RHOA: variants seen among roughly 807,000 people sequenced by gnomAD.
RHOA encodes transforming protein RhoA.
In RHOA, 3 loss-of-function variants were observed where a neutral mutation model predicts 17.5. That is an observed-to-expected ratio of 0.17 (90% confidence interval 0.08 to 0.44). The LOEUF (loss-of-function observed/expected upper bound fraction) is 0.44, where lower values mean the gene tolerates loss of function less well. Among genes scored for constraint, RHOA ranks in the 20% least tolerant of loss-of-function variants. The pLI, the probability that RHOA is intolerant of heterozygous loss-of-function variation, is 0.99. For missense variants in RHOA, 56 were observed against 242.3 expected, an observed-to-expected ratio of 0.23 and a Z score of 5.10; for synonymous variants, 98 against 88.4, an observed-to-expected ratio of 1.11 and a Z score of -0.61.
chr3:49,388,131 C>T (rs1012331150), intron 1 of RHOA, among the ~76,000 whole-genome samples: 4 of 151,788 alleles, frequency 2.6e-5, no homozygotes, highest in Admixed American at 1.3e-4. Flanking sequence ...CTCAGCTTCC[C>T]GAGTAGCTGG....
chr3:49,363,429 T>A (rs942085911), intron 3 of RHOA, among the ~76,000 whole-genome samples: 4 of 151,842 alleles, frequency 2.6e-5, no homozygotes, highest in African/African-American at 9.7e-5. Context: ...TAAAAAAAAG[T>A]GACTTTTGAA....
chr3:49,405,232 T>C (rs942132950), intron 1 of RHOA, among the ~76,000 whole-genome samples: 1 of 131,950 alleles, frequency 7.6e-6, no homozygotes, highest in Admixed American at 9.5e-5. Flanking sequence ...CACTCCAGCC[T>C]GGGTGACAGA....
chr3:49,368,851 G>A (rs2048101258), intron 2 of RHOA, among the ~76,000 whole-genome samples: 1 of 151,182 alleles, frequency 6.6e-6, no homozygotes, highest in East Asian at 1.9e-4. Context: ...GGGACTACAG[G>A]TGCCCGCCAT....
chr3:49,387,117 C>CAAAAAAAAAAAAA (rs56262356), intron 1 of RHOA, among the ~76,000 whole-genome samples: 4 of 24,642 alleles, frequency 1.6e-4, no homozygotes, highest in African/African-American at 2.8e-4. Context: ...AACTCCGTCT[C>CAAAAAAAAAAAAA]AAAAAAAAAA....
chr3:49,405,095 A>C (rs2048804737), intron 1 of RHOA, among the ~76,000 whole-genome samples: 1 of 147,706 alleles, frequency 6.8e-6, no homozygotes, highest in African/African-American at 2.5e-5. Context: ...TAAAAATACA[A>C]AAAAAAAAAA....
chr3:49,365,794 T>G (rs961309944), intron 3 of RHOA, among the ~76,000 whole-genome samples: 1 of 152,002 alleles, frequency 6.6e-6, no homozygotes, highest in Non-Finnish European at 1.5e-5. Flanking sequence ...TTTCACCATG[T>G]TGGCCAGGCT....
In RHOA at chr3:49,378,240, CTTTTTTTTTTT is replaced by C. The variant is rs71077802; in HGVS notation, c.-2-2660_-2-2650del. On this transcript the variant is annotated intron_variant, in intron 1 of 4. Transcript: ENST00000418115. ...GTACGCTATTTATCTATCCATCTAT[CTTTTTTTTTTT>C]TTTTTTTTTTTTTGAGATGAGGTCT... Among the ~76,000 whole-genome samples the C allele has an allele frequency of 8.6e-3, 525 of 60,788 alleles. 10 individuals are homozygous for C. The highest frequency in any genetic ancestry group is 0.031 in the African/African-American group (508 of 16,566). 39.9% of individuals were successfully genotyped at this position (60,788 alleles called of 152,430 possible).
chr3:49,363,136 T>C (rs939289764), intron 3 of RHOA, among the ~76,000 whole-genome samples: 1 of 152,170 alleles, frequency 6.6e-6, no homozygotes, highest in Non-Finnish European at 1.5e-5. Flanking sequence ...GAGTGACTTT[T>C]GGCCGGGAGC....
At chr3:49,371,519 G>A (rs569501281) in intron 2 of RHOA, among the ~76,000 whole-genome samples, 35 of 152,058 alleles carry the variant, frequency 2.3e-4, no homozygotes, top group Non-Finnish European at 4.7e-4. Context: ...GACCTCTGGT[G>A]ATCCTCCTGC....
At chr3:49,409,312 T>C (rs1461272603) in intron 1 of RHOA, among the ~76,000 whole-genome samples, 6 of 151,944 alleles carry the variant, frequency 3.9e-5, no homozygotes, top group African/African-American at 1.5e-4. Flanking sequence ...GGAGAATCAC[T>C]TGAACCCAGG....
rs532369602 is a variant in RHOA, at chr3:49,362,641, T to C, written c.278-15A>G. ...TGGGATGTTTTCTGAAAGAAAAATG[T>C]AGAGAATTTGGGGATACATACAATT... On this transcript the variant is annotated splice_polypyrimidine_tract_variant and intron_variant, in intron 3 of 4. Transcript: ENST00000418115. 1.9e-6 allele frequency: 3 copies of C among 1,605,968 alleles called. No individual in the cohort carries two copies. The Admixed American group carries it at 5.1e-5, about 27-fold the overall frequency.
chr3:49,406,244 CA>C (rs942617843), intron 1 of RHOA, among the ~76,000 whole-genome samples: 6 of 150,862 alleles, frequency 4.0e-5, no homozygotes, highest in Admixed American at 6.6e-5. Flanking sequence ...AACAAAGTTA[CA>C]AAAAAAAATC....
At chr3:49,391,523 C>T (rs957012755) in intron 1 of RHOA, among the ~76,000 whole-genome samples, 2 of 152,162 alleles carry the variant, frequency 1.3e-5, no homozygotes, top group South Asian at 2.1e-4. Flanking sequence ...CACTGCCCAA[C>T]GTGGTAGCTA....
In RHOA at chr3:49,384,263, C is replaced by T. The variant is rs547406067; in HGVS notation, c.-2-8672G>A. Reference sequence around the variant, plus strand: ...AACTTGCTGTTTTCTCCTTGAAAAACGCAGGAGAAATTTTGCAGAATTATC... The same window carrying T: ...AACTTGCTGTTTTCTCCTTGAAAAATGCAGGAGAAATTTTGCAGAATTATC... On this transcript the variant is annotated intron_variant, in intron 1 of 4. Transcript: ENST00000418115. Among the ~76,000 whole-genome samples, 5 of 152,212 alleles carry T rather than the reference C, an allele frequency of 3.3e-5. No homozygotes were observed. In the East Asian group the frequency reaches 7.7e-4, roughly 23 times the overall value.
intron 1 of RHOA, among the ~76,000 whole-genome samples, chr3:49,377,322 G>A (rs1424306736): frequency 6.6e-6 from 1 of 152,102 alleles, no homozygotes; most frequent in Admixed American, 6.6e-5. Context: ...GCCGGGCGCA[G>A]TGGCTCACGC....
chr3:49,367,480 CA>C (rs944452441), intron 3 of RHOA, among the ~76,000 whole-genome samples: 1 of 151,016 alleles, frequency 6.6e-6, no homozygotes, highest in Middle Eastern at 3.4e-3. Context: ...ACAGGGCAAC[CA>C]AAAAAAAGAA....
chr3:49,362,452 C>T (rs2047987769), intron 4 of RHOA, 44 bp downstream of exon 4: 1 of 1,525,972 alleles, frequency 6.6e-7, no homozygotes, highest in Non-Finnish European at 8.8e-7. Context: ...AACTTGGGGC[C>T]CTAGTTCAAG....
chr3:49,385,789 T>C, intron 1 of RHOA, among the ~76,000 whole-genome samples: 1 of 152,184 alleles, frequency 6.6e-6, no homozygotes. Context: ...TCCAACTTCA[T>C]TCTTTTTCAT....
At chr3:49,386,969 T>C (rs1186423781) in intron 1 of RHOA, among the ~76,000 whole-genome samples, 1 of 149,798 alleles carries the variant, frequency 6.7e-6, no homozygotes, top group East Asian at 2.0e-4. Context: ...AAAAAAAAAT[T>C]AGCCAGGCAT....
Sources: gnomAD v4.1 joint callset for allele counts (sites outside exome capture counted in the v4.1 genomes callset) on GRCh38, gnomAD v4.1.1 for gene constraint, MANE v1.5 for transcripts, NCBI Gene and HGNC (gene_info 2026-07-23, HGNC 2026-07-21) for gene names.